The following THSD7A variants were observed in gnomAD, a reference collection of about 807,000 sequenced individuals.
THSD7A encodes the protein thrombospondin type 1 domain containing 7A.
Under a neutral mutation model 231.3 loss-of-function variants are expected in THSD7A, and 96 were observed. The ratio of observed to expected loss-of-function variants is 0.41; its 90% CI spans 0.35 to 0.49. The LOEUF is 0.49. Ranked by LOEUF, THSD7A falls within the 20% of genes least tolerant of loss-of-function variation. The pLI is 0.05. For missense variants in THSD7A, 2,290 were observed against 2,070.2 expected, an observed-to-expected ratio of 1.11 and a Z score of -2.06; for synonymous variants, 940 against 743.3, an observed-to-expected ratio of 1.26 and a Z score of -4.30.
At chr7:11,739,829 TGTGCTTCTCTTGTATCAGAA>T (rs1782045846) in intron 1 of THSD7A, among the ~76,000 whole-genome samples, 1 of 151,936 alleles carries the variant, frequency 6.6e-6, no homozygotes, top group Non-Finnish European at 1.5e-5. Context: ...CCAAAGCTTA[TGTGCTTCTCTTGTATCAGAA>T]GTGCAATGCC....
intron 16 of THSD7A, among the ~76,000 whole-genome samples, chr7:11,419,125 C>T (rs1450848746): frequency 6.6e-6 from 1 of 152,132 alleles, no homozygotes; most frequent in Non-Finnish European, 1.5e-5. Flanking sequence ...GTAGAATTAC[C>T]TATTGACCAG....
rs144627406 is a variant in THSD7A at position 11,771,405 on chromosome 7, G to C, written c.190+60352C>G. 1.0e-3 allele frequency among the ~76,000 whole-genome samples: 159 copies of C among 151,826 alleles called. 3 individuals are homozygous for C. The East Asian group carries it at 0.014, about 14-fold the overall frequency. ...AGAAAAGTTTGACATGTGAACACTA[G>C]GTATACATTTATAATTAAATAAATA... is the stretch of plus-strand genomic sequence containing the variant. On this transcript the variant is annotated intron_variant, in intron 1 of 27. Transcript: ENST00000423059.
At chr7:11,676,035 G>T (rs572398795) in intron 1 of THSD7A, among the ~76,000 whole-genome samples, 1 of 152,174 alleles carries the variant, frequency 6.6e-6, no homozygotes, top group Non-Finnish European at 1.5e-5. Context: ...AATCTGGCAG[G>T]TGCCCCTCTA....
chr7:11,537,200 G>A (rs769428600), intron 6 of THSD7A, among the ~76,000 whole-genome samples: 14 of 152,090 alleles, frequency 9.2e-5, no homozygotes, highest in South Asian at 2.1e-4. Flanking sequence ...TCTTATAGGC[G>A]GAAACATATC....
intron 6 of THSD7A, among the ~76,000 whole-genome samples, chr7:11,489,425 C>T (rs1786797116): frequency 6.6e-6 from 1 of 151,982 alleles, no homozygotes; most frequent in African/African-American, 2.4e-5. Flanking sequence ...CTTTCTCTGC[C>T]CCTTTGTAAT....
At chr7:11,523,265 G>A (rs1046969671) in intron 6 of THSD7A, among the ~76,000 whole-genome samples, 3 of 152,008 alleles carry the variant, frequency 2.0e-5, no homozygotes, top group Non-Finnish European at 4.4e-5. Context: ...AGTCTTTATA[G>A]TAATATGAAG....
chr7:11,576,951 G>C (rs1273789607), intron 4 of THSD7A, among the ~76,000 whole-genome samples: 1 of 152,114 alleles, frequency 6.6e-6, no homozygotes, highest in African/African-American at 2.4e-5. Flanking sequence ...AAATGCATAG[G>C]GGAAGCGAGT....
At chr7:11,542,129 G>A (rs1392469521) in intron 5 of THSD7A, among the ~76,000 whole-genome samples, 1 of 152,222 alleles carries the variant, frequency 6.6e-6, no homozygotes, top group East Asian at 1.9e-4. Flanking sequence ...GATGGTTCCA[G>A]AGAAACAATC....
chr7:11,561,558 T>G (rs184570234), intron 4 of THSD7A, among the ~76,000 whole-genome samples: 8 of 152,314 alleles, frequency 5.3e-5, no homozygotes, highest in Admixed American at 5.2e-4. Flanking sequence ...TAGGCACAAC[T>G]GTAATCCACA....
intron 6 of THSD7A, among the ~76,000 whole-genome samples, chr7:11,527,933 G>T (rs75671970): frequency 7.2e-5 from 11 of 152,106 alleles, no homozygotes; most frequent in Non-Finnish European, 1.5e-4. Flanking sequence ...TGGGAGGATT[G>T]GTTGATCCCA....
chr7:11,542,878 G>C (rs1002654819), intron 5 of THSD7A, 84 bp downstream of exon 5: 2 of 1,416,796 alleles, frequency 1.4e-6, no homozygotes, highest in Admixed American at 4.7e-5. Flanking sequence ...CACAAACAAG[G>C]AACACAGAAG....
intron 6 of THSD7A, among the ~76,000 whole-genome samples, chr7:11,497,398 C>A (rs530166057): frequency 1.5e-3 from 231 of 152,216 alleles, no homozygotes; most frequent in African/African-American, 5.3e-3. Context: ...TTTGGTGCAT[C>A]TGTCAAATAT....
At chr7:11,499,272 C>T (rs921051331) in intron 6 of THSD7A, among the ~76,000 whole-genome samples, 7 of 152,212 alleles carry the variant, frequency 4.6e-5, no homozygotes, top group East Asian at 1.9e-4. Context: ...GGGCTGACTA[C>T]ACTGGGCATG....
At chr7:11,633,950 AT>A in intron 2 of THSD7A, among the ~76,000 whole-genome samples, 1 of 152,124 alleles carries the variant, frequency 6.6e-6, no homozygotes, top group Non-Finnish European at 1.5e-5. Context: ...AACATTTTAA[AT>A]TTGATCACTA....
intron 4 of THSD7A, among the ~76,000 whole-genome samples, chr7:11,545,329 G>A (rs922415710): frequency 6.6e-6 from 1 of 151,962 alleles, no homozygotes; most frequent in Non-Finnish European, 1.5e-5. Context: ...AAAATTTACT[G>A]GGTATGAAAT....
At chr7:11,800,976 C>T (rs1403316609) in intron 1 of THSD7A, among the ~76,000 whole-genome samples, 1 of 151,954 alleles carries the variant, frequency 6.6e-6, no homozygotes, top group African/African-American at 2.4e-5. Context: ...GTGATGGTAT[C>T]AAGGGTAAAC....
intron 9 of THSD7A, among the ~76,000 whole-genome samples, chr7:11,462,584 T>C (rs1785546933): frequency 6.6e-6 from 1 of 152,208 alleles, no homozygotes; most frequent in Admixed American, 6.5e-5. Flanking sequence ...TGCTATAATG[T>C]GAAATTTTAT....
chr7:11,696,907 A>G lies in THSD7A; in HGVS notation c.191-59946T>C, dbSNP rs571108499. On this transcript the variant is annotated intron_variant, in intron 1 of 27. Coordinates refer to ENST00000423059, the MANE Select transcript of THSD7A (RefSeq NM_015204.3). ...AGTTCAGTTCTAACTGATTATGGCCATGAGAGAATATGGATCCACTATTAT... is the reference window on the plus strand; with the variant it reads ...AGTTCAGTTCTAACTGATTATGGCCGTGAGAGAATATGGATCCACTATTAT... Among the ~76,000 whole-genome samples, 3 of 151,552 alleles carry G rather than the reference A, an allele frequency of 2.0e-5. No homozygotes were observed. In the South Asian group the frequency reaches 6.2e-4, roughly 31 times the overall value.
At position 11,585,722 on chromosome 7, in the gene THSD7A, G is replaced by A. The variant is rs2128339133; in HGVS notation, c.1453+4738C>T. Among the ~76,000 whole-genome samples the A allele has an allele frequency of 2.0e-5, 3 of 152,128 alleles. 1 individual carries two copies. The South Asian group carries it at 6.2e-4, about 32-fold the overall frequency. On this transcript the variant is annotated intron_variant, in intron 4 of 27. Coordinates refer to ENST00000423059, the MANE Select transcript of THSD7A (RefSeq NM_015204.3). ...TTCCGTCAGTTTAGGGAGCAAGGTG[G>A]GAACTGTGGCTGGACAACACACCAT...
Sources: allele counts gnomAD v4.1 joint callset (sites outside exome capture counted in the v4.1 genomes callset), GRCh38; gene constraint gnomAD v4.1.1; transcripts MANE v1.5; gene names NCBI Gene and HGNC (gene_info 2026-07-23, HGNC 2026-07-21).